The following ALK variants were observed in gnomAD, a reference collection of about 807,000 sequenced individuals.
ALK encodes the protein ALK receptor tyrosine kinase, also known as ALK tyrosine kinase receptor.
Under a neutral mutation model 163.1 loss-of-function variants are expected in ALK, and 74 were observed. That is an observed-to-expected ratio of 0.45 (90% CI 0.38 to 0.55). ALK has a LOEUF of 0.55. ALK is among the 20% of genes least tolerant of loss of function. ALK has a pLI of 0.00. For synonymous variants in ALK, 960 were observed against 843.2 expected (o/e 1.14, Z -2.40); for missense variants, 2,063 against 2,105.3 (o/e 0.98, Z 0.39).
intron 1 of ALK, among the ~76,000 whole-genome samples, chr2:29,835,388 TC>T (rs1422809039): frequency 6.6e-6 from 1 of 152,200 alleles, no homozygotes; most frequent in African/African-American, 2.4e-5. Context: ...GTGCATTTCT[TC>T]CATGCCATTC....
intron 3 of ALK, among the ~76,000 whole-genome samples, chr2:29,584,751 G>A (rs1674831924): frequency 6.6e-6 from 1 of 152,216 alleles, no homozygotes; most frequent in Admixed American, 6.5e-5. Context: ...TGAGCATGGT[G>A]ACATCAGTTG....
At chr2:29,686,828 T>C (rs116186900) in intron 3 of ALK, among the ~76,000 whole-genome samples, 1,821 of 152,284 alleles carry the variant, frequency 0.012, 37 homozygotes, top group African/African-American at 0.042. Flanking sequence ...ATGCCACTCA[T>C]TAAGGCAACC....
intron 2 of ALK, among the ~76,000 whole-genome samples, chr2:29,714,074 G>A (rs1447909800): frequency 6.6e-6 from 1 of 151,900 alleles, no homozygotes; most frequent in African/African-American, 2.4e-5. Context: ...CTACCTGATG[G>A]AACAGATTTT....
intron 3 of ALK, among the ~76,000 whole-genome samples, chr2:29,650,884 C>G (rs1453536015): frequency 2.6e-5 from 4 of 152,144 alleles, no homozygotes; most frequent in African/African-American, 9.7e-5. Context: ...GAAGCTGCAA[C>G]AGCTGCACAA....
At chr2:29,697,642 G>A (rs1463841998) in intron 2 of ALK, among the ~76,000 whole-genome samples, 1 of 152,182 alleles carries the variant, frequency 6.6e-6, no homozygotes, top group Admixed American at 6.5e-5. Context: ...AAGAAAAAAT[G>A]GGATAATGTG....
chr2:29,919,960 A>AAATCCC (rs1302976527), intron 1 of ALK, 33 bp downstream of exon 1: 4 of 1,608,768 alleles, frequency 2.5e-6, no homozygotes, highest in Non-Finnish European at 3.4e-6. Flanking sequence ...TAAAAACACT[A>AAATCCC]AATCCCGGCA....
At position 29,853,726 on chromosome 2, in the gene ALK, C is replaced by T. The variant is rs981415034; in HGVS notation, c.667+66267G>A. ...AACGTCACTCAGATGGCCCAGGAGA[C>T]TTTGCAGGGTCAGCCCTTGCTGGGC... On this transcript the variant is annotated intron_variant, in intron 1 of 28. Coordinates refer to ENST00000389048, the MANE Select transcript of ALK (RefSeq NM_004304.5). Among the ~76,000 whole-genome samples the T allele has an allele frequency of 2.6e-5, 4 of 152,134 alleles. No individual in the cohort carries two copies. In the East Asian group the frequency reaches 7.7e-4, roughly 29 times the overall value.
intron 3 of ALK, among the ~76,000 whole-genome samples, chr2:29,666,345 G>A (rs1356934296): frequency 2.0e-5 from 3 of 151,162 alleles, no homozygotes; most frequent in Non-Finnish European, 4.4e-5. Context: ...CTTTGAAAAT[G>A]AGCTACCTAA....
intron 4 of ALK, among the ~76,000 whole-genome samples, chr2:29,495,058 AT>A (rs1385587566): frequency 1.3e-5 from 2 of 152,218 alleles, no homozygotes; most frequent in Non-Finnish European, 2.9e-5. Flanking sequence ...CAAAAAAATA[AT>A]AATTCTCCTA....
intron 4 of ALK, among the ~76,000 whole-genome samples, chr2:29,475,016 G>A (rs553929186): frequency 3.3e-5 from 5 of 149,598 alleles, no homozygotes; most frequent in Middle Eastern, 3.4e-3. Context: ...AGAAGAAACC[G>A]CCAGGCTCCT....
chr2:29,334,775 G>A (rs1194425249), intron 5 of ALK, among the ~76,000 whole-genome samples: 1 of 152,170 alleles, frequency 6.6e-6, no homozygotes, highest in African/African-American at 2.4e-5. Flanking sequence ...GTCCCACAGG[G>A]AGCTTTGTGC....
At chr2:29,457,225 T>C (rs748057790) in intron 4 of ALK, among the ~76,000 whole-genome samples, 1 of 152,008 alleles carries the variant, frequency 6.6e-6, no homozygotes, top group Non-Finnish European at 1.5e-5. Context: ...ATTGGCTCGA[T>C]TGAAATGTAG....
intron 5 of ALK, among the ~76,000 whole-genome samples, chr2:29,341,099 T>C (rs1243093712): frequency 6.6e-6 from 1 of 152,200 alleles, no homozygotes; most frequent in Non-Finnish European, 1.5e-5. Flanking sequence ...TAATTTTGGG[T>C]AATGGATTCA....
chr2:29,552,109 AT>A (rs1673730025), intron 3 of ALK, among the ~76,000 whole-genome samples: 1 of 152,096 alleles, frequency 6.6e-6, no homozygotes, highest in African/African-American at 2.4e-5. Flanking sequence ...TTGGAGTCAA[AT>A]GATGTTTGCC....
At chr2:29,770,420 A>G (rs558946879) in intron 1 of ALK, among the ~76,000 whole-genome samples, 1 of 152,378 alleles carries the variant, frequency 6.6e-6, no homozygotes, top group South Asian at 2.1e-4. Flanking sequence ...CAACAAGCTC[A>G]GGGCTTCCAA....
chr2:29,495,347 C>T (rs1024465062), intron 4 of ALK, among the ~76,000 whole-genome samples: 1 of 152,190 alleles, frequency 6.6e-6, no homozygotes, highest in Non-Finnish European at 1.5e-5. Context: ...GTGTTTATTT[C>T]TCTAGTTCCT....
In ALK at chr2:29,193,430, C is replaced by T. The variant is rs745390287; in HGVS notation, c.4657G>A (p.Ala1553Thr). Residue 1553 changes from alanine (A) to threonine (T), a missense_variant, in exon 29 of 29, where the codon GCC becomes ACC. By Grantham distance (58) the Ala-to-Thr change is moderately conservative (BLOSUM62 0). Coordinates refer to ENST00000389048, the MANE Select transcript of ALK (RefSeq NM_004304.5). Reference protein sequence around the residue: ...PNVATGRLPGASLLLEPSSLT... With the variant: ...PNVATGRLPGTSLLLEPSSLT... ...GAAGAGGGCTCTAGGAGCAGTGAGG[C>T]CCCCGGAAGTCTCCCAGTTGCAACG... 3.1e-6 allele frequency: 5 copies of T among 1,614,164 alleles called. No individual in the cohort carries two copies. The highest frequency in any genetic ancestry group is 2.2e-5 in the South Asian group (2 of 91,080).
intron 1 of ALK, among the ~76,000 whole-genome samples, chr2:29,770,211 A>G (rs1243321298): frequency 6.6e-6 from 1 of 152,208 alleles, no homozygotes; most frequent in African/African-American, 2.4e-5. Flanking sequence ...CAAAATGCCG[A>G]GATCTCCAAA....
intron 1 of ALK, among the ~76,000 whole-genome samples, chr2:29,794,681 G>A (rs530297596): frequency 1.3e-5 from 2 of 152,246 alleles, no homozygotes; most frequent in South Asian, 2.1e-4. Context: ...GATGGAGAGA[G>A]TTAGGAAAAT....
Sources: allele counts gnomAD v4.1 joint callset (sites outside exome capture counted in the v4.1 genomes callset), GRCh38; gene constraint gnomAD v4.1.1; transcripts MANE v1.5; gene names NCBI Gene and HGNC (gene_info 2026-07-23, HGNC 2026-07-21).